The following ROGDI variants were observed in gnomAD, a reference collection of about 807,000 sequenced individuals.
ROGDI encodes the protein protein rogdi homolog.
ROGDI carries 46 observed loss-of-function variants against 43.1 expected under a neutral mutation model. The observed-to-expected ratio is 1.07, with a 90% confidence interval of 0.84 to 1.37. The LOEUF (loss-of-function observed/expected upper bound fraction) is 1.37, where lower values mean the gene tolerates loss of function less well. ROGDI is among the 40% of genes most tolerant of loss of function. The pLI, the probability that ROGDI is intolerant of heterozygous loss-of-function variation, is 0.00. For synonymous variants in ROGDI, 243 were observed against 162.0 expected (o/e 1.50, Z -3.80); for missense variants, 518 against 383.9 (o/e 1.35, Z -2.92).
In ROGDI at chr16:4,798,129, A is replaced by T; in HGVS notation, c.587T>A (p.Leu196His). 5 of 1,613,964 alleles carry T rather than the reference A, an allele frequency of 3.1e-6. No individual in the cohort carries two copies. The highest frequency in any genetic ancestry group is 4.2e-6 in the Non-Finnish European group (5 of 1,179,928). The change falls in exon 8 of 11, where the codon CTC (leucine) becomes CAC (histidine). Residue 196 changes from leucine (L) to histidine (H), a missense_variant. Transcript: ENST00000322048. ...SDLLVNVYINLNKLCLTVYQL... is the reference protein window; with the variant it reads ...SDLLVNVYINHNKLCLTVYQL... ...GTACACCGTGAGGCAGAGCTTGTTG[A>T]GGTTGATGTAGACGTTGACCAGCAG...
In ROGDI at chr16:4,801,561, G is replaced by T. The variant is rs1244415401; in HGVS notation, c.142C>A (p.Pro48Thr). 6.2e-7 allele frequency: 1 copy of T among 1,604,198 alleles called. No individual in the cohort carries two copies. The highest frequency in any genetic ancestry group is 1.1e-5 in the South Asian group (1 of 89,224). Residue 48 changes from proline (P) to threonine (T), a missense_variant, in exon 3 of 11, where the codon CCG (proline) becomes ACG (threonine). By Grantham distance (38) the Pro-to-Thr change is conservative. Transcript: ENST00000322048. Reference sequence around the variant, plus strand: ...GCGGGCCCCTCAGTGCCGGAGCCCGGCAGAGTGAAGCGCAGAGAGGCCTCC... The same window carrying T: ...GCGGGCCCCTCAGTGCCGGAGCCCGTCAGAGTGAAGCGCAGAGAGGCCTCC... ...LKEASLRFTLPGSGTEGPAKQ... is the reference protein window; with the variant it reads ...LKEASLRFTLTGSGTEGPAKQ...
At chr16:4,801,734 C>T in intron 2 of ROGDI, 149 bp from the exon 3 acceptor site, 2 of 689,138 alleles carry the variant, frequency 2.9e-6, no homozygotes, top group Middle Eastern at 3.9e-4. Flanking sequence ...TGGGAAGACC[C>T]TGCCCAAGCC....
At chr16:4,798,298 A>T in intron 7 of ROGDI, 114 bp from the exon 8 acceptor site, 1 of 892,812 alleles carries the variant, frequency 1.1e-6, no homozygotes, top group South Asian at 1.5e-5. Context: ...CACCCCAGAG[A>T]TGCTCTTCTC....
intron 6 of ROGDI, among the ~76,000 whole-genome samples, chr16:4,799,366 G>T (rs928248724): frequency 6.6e-6 from 1 of 152,102 alleles, no homozygotes; most frequent in Non-Finnish European, 1.5e-5. Context: ...GCAAGTCAGG[G>T]GCAGAACTCA....
intron 4 of ROGDI, 107 bp downstream of exon 4, chr16:4,801,160 G>A: frequency 5.6e-6 from 5 of 892,922 alleles, no homozygotes; most frequent in Non-Finnish European, 8.4e-6. Context: ...AGGCCAGAGA[G>A]ATCAAGGGTC....
Position 4,797,734 on chromosome 16 carries a change from A to G in ROGDI, c.802T>C (p.Cys268Arg). 7.3e-7 allele frequency: 1 copy of G among 1,367,266 alleles called. No homozygotes were observed. 84.7% of individuals were successfully genotyped at this position (1,367,266 alleles called of 1,614,324 possible). A position where few individuals can be genotyped will look rare whatever the true frequency, so the allele number is the denominator to read the frequency against. The change falls in exon 10 of 11, where the codon TGC (cysteine) becomes CGC (arginine). Residue 268 changes from cysteine (C) to arginine (R), a missense_variant. By Grantham distance (180) the Cys-to-Arg change is radical. Transcript: ENST00000322048. ...CCCACCTTGTCCTTGAGCTGCTGGC[A>G]GAGCTGCAGGGAGACGGTGAAGTAG... is the stretch of plus-strand genomic sequence containing the variant. ...LVYFTVSLQL[C>R]QQLKDKISVF...
At chr16:4,801,228 C>A (rs1169316668) in intron 4 of ROGDI, 39 bp downstream of exon 4, 2 of 1,549,016 alleles carry the variant, frequency 1.3e-6, no homozygotes, top group Non-Finnish European at 1.8e-6. Context: ...TGCTCTTCCC[C>A]ATTGGCAGGA....
intron 3 of ROGDI, 70 bp downstream of exon 3, chr16:4,801,433 C>T (rs2141912420): frequency 6.4e-7 from 1 of 1,565,464 alleles, no homozygotes; most frequent in East Asian, 2.3e-5. Context: ...GTCTGCAGGA[C>T]AGGGCTATGG....
intron 2 of ROGDI, 67 bp from the exon 3 acceptor site, chr16:4,801,652 G>A (rs980618608): frequency 2.8e-6 from 4 of 1,409,298 alleles, no homozygotes; most frequent in Non-Finnish European, 3.9e-6. Context: ...GCTCCTTCCA[G>A]AAGCCCCCCT....
Position 4,801,225 on chromosome 16 carries a change from C to T in ROGDI, c.255+42G>A, listed in dbSNP as rs376931889. The T allele has an allele frequency of 4.6e-6, 7 of 1,527,118 alleles. No homozygotes were observed. The African/African-American group carries it at 6.9e-5, about 15-fold the overall frequency. 94.6% of individuals were successfully genotyped at this position (1,527,118 alleles called of 1,614,324 possible). A position where few individuals can be genotyped will look rare whatever the true frequency, so the allele number is the denominator to read the frequency against. Reference sequence around the variant, plus strand: ...AGAAAGTGGGAGCTCCCATGCTCTTCCCCATTGGCAGGATGGGAGGGGACA... The same window carrying T: ...AGAAAGTGGGAGCTCCCATGCTCTTTCCCATTGGCAGGATGGGAGGGGACA... On this transcript the variant is annotated intron_variant, in intron 4 of 10. Transcript: ENST00000322048.
chr16:4,799,841 G>C (rs1033004049), intron 5 of ROGDI, 60 bp from the exon 6 acceptor site: 2 of 1,248,628 alleles, frequency 1.6e-6, no homozygotes, highest in African/African-American at 3.0e-5. Context: ...GGAGGGGAGA[G>C]TGGGTGCTGC....
rs541268543 is a variant in ROGDI at position 4,800,615 on chromosome 16, G to C, written c.256-37C>G. 154 of 1,497,980 alleles carry C rather than the reference G, an allele frequency of 1.0e-4. No homozygotes were observed. In the South Asian group the frequency reaches 1.8e-3, roughly 17 times the overall value. The allele number at this position is 1,497,980 out of a possible 1,614,324, so 92.8% of individuals were successfully genotyped here. A position where few individuals can be genotyped will look rare whatever the true frequency, so the allele number is the denominator to read the frequency against. On this transcript the variant is annotated intron_variant, in intron 4 of 10. Coordinates refer to ENST00000322048, the MANE Select transcript of ROGDI (RefSeq NM_024589.3). ...GAGTGGGGTGAGCTGGGCAGTGGGGGGGCACCTCCTGCCACAGCCACTCTG... is the reference window on the plus strand; with the variant it reads ...GAGTGGGGTGAGCTGGGCAGTGGGGCGGCACCTCCTGCCACAGCCACTCTG...
Position 4,797,302 on chromosome 16 carries a change from C to T in ROGDI, c.*158G>A, listed in dbSNP as rs1172073673. The T allele has an allele frequency of 1.0e-5, 7 of 678,744 alleles. No individual in the cohort carries two copies. Among genetic ancestry groups the T allele is most frequent in the Middle Eastern group, 4.1e-4 (1 of 2,412 alleles). The allele number at this position is 678,744 out of a possible 1,614,324, so 42.0% of individuals were successfully genotyped here. A position where few individuals can be genotyped will look rare whatever the true frequency, so the allele number is the denominator to read the frequency against. The stretch of plus-strand genomic sequence containing the variant: ...CCAGCCTTCCTTCCTCCTGGCACTT[C>T]CAGTGTCCATTCCCGGCAGTGCAAA... On this transcript the variant is annotated 3_prime_UTR_variant, in exon 11 of 11. Transcript: ENST00000322048.
intron 5 of ROGDI, 87 bp downstream of exon 5, chr16:4,800,411 G>T: frequency 9.4e-7 from 1 of 1,065,584 alleles, no homozygotes; most frequent in Non-Finnish European, 1.4e-6. Flanking sequence ...AGATCCCCAG[G>T]GCTAGTCCCT....
In ROGDI at chr16:4,802,603, C is replaced by T; in HGVS notation, c.-32G>A. On this transcript the variant is annotated 5_prime_UTR_variant, in exon 1 of 11. In the 5' UTR this introduces an upstream ATG that the reference lacks. Coordinates refer to ENST00000322048, the MANE Select transcript of ROGDI (RefSeq NM_024589.3). Reference sequence around the variant, plus strand: ...AGGCCGCCGCCGAGCGCCCTCCCCACCGGCCGCTGCTCCTGTCCACCAATC... The same window carrying T: ...AGGCCGCCGCCGAGCGCCCTCCCCATCGGCCGCTGCTCCTGTCCACCAATC... 1.5e-6 allele frequency: 2 copies of T among 1,299,768 alleles called. No homozygotes were observed. The highest frequency in any genetic ancestry group is 3.2e-5 in the Admixed American group (1 of 31,676). 80.5% of individuals were successfully genotyped at this position (1,299,768 alleles called of 1,614,324 possible). A position where few individuals can be genotyped will look rare whatever the true frequency, so the allele number is the denominator to read the frequency against.
chr16:4,799,055 AG>A (rs550697562), intron 6 of ROGDI, among the ~76,000 whole-genome samples: 184 of 152,192 alleles, frequency 1.2e-3, no homozygotes, highest in African/African-American at 4.2e-3. Context: ...TGAGGTTTTC[AG>A]GGGGGTAAGC....
Position 4,797,195 on chromosome 16 carries a change from T to A in ROGDI, c.*265A>T. On this transcript the variant is annotated 3_prime_UTR_variant, in exon 11 of 11. Transcript: ENST00000322048. ...CTGGCCCTGTCCTGAGTCCAAAGAT[T>A]CCCATGGTGATCAGAGGGCGGTGTT... 2.3e-6 allele frequency: 1 copy of A among 440,684 alleles called. No individual in the cohort carries two copies. The highest frequency in any genetic ancestry group is 4.1e-6 in the Non-Finnish European group (1 of 242,346). The allele number at this position is 440,684 out of a possible 1,614,324, so 27.3% of individuals were successfully genotyped here.
chr16:4,799,843 G>T, intron 5 of ROGDI, 62 bp from the exon 6 acceptor site: 2 of 1,215,900 alleles, frequency 1.6e-6, no homozygotes, highest in Non-Finnish European at 1.2e-6. Context: ...AGGGGAGAGT[G>T]GGTGCTGCCT....
At position 4,798,293 on chromosome 16, in the gene ROGDI, C is replaced by G. The variant is rs566311936; in HGVS notation, c.532-109G>C. On this transcript the variant is annotated intron_variant, in intron 7 of 10. Coordinates refer to ENST00000322048, the MANE Select transcript of ROGDI (RefSeq NM_024589.3). ...CTGCAGGGGATCCCAGTCCCCACCC[C>G]AGAGATGCTCTTCTCATCAATGGGG... 402 of 909,676 alleles carry G rather than the reference C, an allele frequency of 4.4e-4. 1 individual carries two copies. In the African/African-American group the frequency reaches 6.0e-3, roughly 14 times the overall value. 56.4% of individuals were successfully genotyped at this position (909,676 alleles called of 1,614,324 possible).
Sources: gnomAD v4.1 joint callset for allele counts (sites outside exome capture counted in the v4.1 genomes callset) on GRCh38, gnomAD v4.1.1 for gene constraint, MANE v1.5 for transcripts, NCBI Gene and HGNC (gene_info 2026-07-23, HGNC 2026-07-21) for gene names.